The following FAT4 variants were observed in gnomAD, a reference collection of about 807,000 sequenced individuals.
FAT4 encodes FAT atypical cadherin 4, also known as protocadherin Fat 4.
In FAT4, 84 loss-of-function variants were observed where a neutral mutation model predicts 303.9. The ratio of observed to expected loss-of-function variants is 0.28; its 90% CI spans 0.23 to 0.33. FAT4 has a LOEUF of 0.33. FAT4 is among the 10% of genes least tolerant of loss of function. FAT4 has a pLI of 1.00. For synonymous variants in FAT4, 2,307 were observed against 2,298.8 expected (o/e 1.00, Z -0.10); for missense variants, 6,005 against 6,146.8 (o/e 0.98, Z 0.77).
chr4:125,325,050 A>G (rs1468159521), intron 2 of FAT4, among the ~76,000 whole-genome samples: 1 of 152,114 alleles, frequency 6.6e-6, no homozygotes, highest in Non-Finnish European at 1.5e-5. Context: ...TTTGGCTAAA[A>G]TATACAAGCA....
chr4:125,405,134 T>G (rs973122537), intron 3 of FAT4, among the ~76,000 whole-genome samples: 6 of 152,166 alleles, frequency 3.9e-5, no homozygotes, highest in African/African-American at 1.4e-4. Context: ...GTTTGGATTT[T>G]GGGGCATTTG....
Position 125,372,175 on chromosome 4 carries a change from C to T in FAT4, c.5176-26609C>T, listed in dbSNP as rs947521742. 5.9e-5 allele frequency among the ~76,000 whole-genome samples: 9 copies of T among 151,358 alleles called. 1 individual carries two copies. The South Asian group carries it at 6.3e-4, about 11-fold the overall frequency. Reference sequence around the variant, plus strand: ...CATCCTGAGCAATGTAGTGAGACCTCGTCTCCACCAAAAAAAAGAAAAAAG... The same window carrying T: ...CATCCTGAGCAATGTAGTGAGACCTTGTCTCCACCAAAAAAAAGAAAAAAG... On this transcript the variant is annotated intron_variant, in intron 2 of 17. Coordinates refer to ENST00000394329, the MANE Select transcript of FAT4 (RefSeq NM_001291303.3).
At position 125,463,522 on chromosome 4, in the gene FAT4, A is replaced by G. The variant is rs188104826; in HGVS notation, c.11801-41A>G. 6.3e-5 allele frequency: 77 copies of G among 1,216,868 alleles called. 1 individual carries two copies. The Admixed American group carries it at 9.2e-4, about 14-fold the overall frequency. 75.4% of individuals were successfully genotyped at this position (1,216,868 alleles called of 1,614,324 possible). A position where few individuals can be genotyped will look rare whatever the true frequency, so the allele number is the denominator to read the frequency against. The stretch of plus-strand genomic sequence containing the variant: ...ATGGTGTAACGGTGTTAATATATTT[A>G]TGTATGAGATTTAAAAAAAACTGAA... On this transcript the variant is annotated intron_variant, in intron 10 of 17. Coordinates refer to ENST00000394329, the MANE Select transcript of FAT4 (RefSeq NM_001291303.3).
Position 125,451,264 on chromosome 4 carries a change from G to A in FAT4, c.10254G>A (p.Gly3418=). ...TCTACAGTGTGCAGATCAGTGAAGGGGTCCCAATAGGAACTCATGTGACCT... is the reference window on the plus strand; with the variant it reads ...TCTACAGTGTGCAGATCAGTGAAGGAGTCCCAATAGGAACTCATGTGACCT... ...LNIYSVQISE[G]VPIGTHVTFV... The change falls in exon 10 of 18, where the codon GGG becomes GGA. Residue 3418 remains glycine (G), a synonymous_variant. Coordinates refer to ENST00000394329, the MANE Select transcript of FAT4 (RefSeq NM_001291303.3). 6.2e-7 allele frequency: 1 copy of A among 1,613,926 alleles called. No individual in the cohort carries two copies.
chr4:125,360,387 C>G (rs1732607459), intron 2 of FAT4, among the ~76,000 whole-genome samples: 1 of 152,144 alleles, frequency 6.6e-6, no homozygotes, highest in African/African-American at 2.4e-5. Context: ...GTTTCCCACA[C>G]AGGCTTGTAA....
At chr4:125,447,552 C>T (rs1229195230) in intron 9 of FAT4, among the ~76,000 whole-genome samples, 1 of 152,058 alleles carries the variant, frequency 6.6e-6, no homozygotes, top group African/African-American at 2.4e-5. Context: ...GATAAAATTT[C>T]CTATGTAAAA....
At chr4:125,461,233 A>G (rs2126069413) in intron 10 of FAT4, among the ~76,000 whole-genome samples, 1 of 152,170 alleles carries the variant, frequency 6.6e-6, no homozygotes, top group Non-Finnish European at 1.5e-5. Flanking sequence ...GTTAAATAAG[A>G]ATTGATTCAT....
In FAT4 at chr4:125,450,726, A is replaced by G. The variant is rs1338619009; in HGVS notation, c.9716A>G (p.Asp3239Gly). 6.2e-7 allele frequency: 1 copy of G among 1,614,130 alleles called. No individual in the cohort carries two copies. The highest frequency in any genetic ancestry group is 2.2e-5 in the East Asian group (1 of 44,852). Residue 3239 changes from aspartate (D) to glycine (G), a missense_variant, in exon 10 of 18, where the codon GAC (aspartate) becomes GGC (glycine). Transcript: ENST00000394329. ...ATTGCGTATACTGTACAGTCATCTG[A>G]CAGTGACCTCTTTGTCATTGACCCT... ...AVIAYTVQSS[D>G]SDLFVIDPNT... is the part of the protein sequence containing the mutation.
chr4:125,446,359 C>A lies in FAT4; in HGVS notation c.7266C>A (p.Ser2422Arg). 1 of 1,612,852 alleles carries A rather than the reference C, an allele frequency of 6.2e-7. No homozygotes were observed. The change falls in exon 9 of 18, where the codon AGC becomes AGA. Residue 2422 changes from serine (S) to arginine (R), a missense_variant. Coordinates refer to ENST00000394329, the MANE Select transcript of FAT4 (RefSeq NM_001291303.3). Reference sequence around the variant, plus strand: ...CATCGACAGGACAAATCATCACCAGCGCATTGTTAGATAGGGAAACAAAAG... The same window carrying A: ...CATCGACAGGACAAATCATCACCAGAGCATTGTTAGATAGGGAAACAAAAG... ...INPSTGQIIT[S>R]ALLDRETKDN...
intron 17 of FAT4, 103 bp downstream of exon 17, chr4:125,487,709 T>G (rs758558559): frequency 8.9e-7 from 1 of 1,126,138 alleles, no homozygotes; most frequent in African/African-American, 1.6e-5. Context: ...ATGAATCTCA[T>G]ATACAGAACA....
rs72675307 is a variant in FAT4, at chr4:125,361,789, T to C, written c.5176-36995T>C. ...ACCTGCAACCGTTCTGACCCGCTTG[T>C]CATTCTATGTCTTCCTACGTCAGTC... On this transcript the variant is annotated intron_variant, in intron 2 of 17. Coordinates refer to ENST00000394329, the MANE Select transcript of FAT4 (RefSeq NM_001291303.3). Among the ~76,000 whole-genome samples the C allele has an allele frequency of 9.1e-3, 1,392 of 152,256 alleles. 14 individuals carry two copies. The highest frequency in any genetic ancestry group is 0.02 in the South Asian group (96 of 4,830).
At chr4:125,391,794 G>T (rs977889147) in intron 2 of FAT4, among the ~76,000 whole-genome samples, 3 of 152,112 alleles carry the variant, frequency 2.0e-5, no homozygotes, top group Non-Finnish European at 4.4e-5. Flanking sequence ...GGTTTGAATT[G>T]CTTTAAAATA....
chr4:125,391,177 C>CAA (rs2126006724), intron 2 of FAT4, among the ~76,000 whole-genome samples: 1 of 152,118 alleles, frequency 6.6e-6, no homozygotes, highest in African/African-American at 2.4e-5. Flanking sequence ...GGTATATACC[C>CAA]AAAGGAATAT....
chr4:125,344,459 A>T (rs1445187828), intron 2 of FAT4, among the ~76,000 whole-genome samples: 1 of 152,170 alleles, frequency 6.6e-6, no homozygotes. Context: ...TCTTCAGCAT[A>T]CCTTAAACAC....
In FAT4 at chr4:125,450,706, G is replaced by C; in HGVS notation, c.9696G>C (p.Ala3232=). ...DADSGTNAVI[A]YTVQSSDSDL... ...ACTCTGGAACAAATGCTGTGATTGC[G>C]TATACTGTACAGTCATCTGACAGTG... The change falls in exon 10 of 18, where the codon GCG becomes GCC. Residue 3232 remains alanine (A), a synonymous_variant. Coordinates refer to ENST00000394329, the MANE Select transcript of FAT4 (RefSeq NM_001291303.3). 4 of 1,614,068 alleles carry C rather than the reference G, an allele frequency of 2.5e-6. No individual in the cohort carries two copies. Among genetic ancestry groups the C allele is most frequent in the Non-Finnish European group, 3.4e-6 (4 of 1,180,004 alleles).
At chr4:125,457,502 C>G (rs1726325113) in intron 10 of FAT4, among the ~76,000 whole-genome samples, 1 of 151,944 alleles carries the variant, frequency 6.6e-6, no homozygotes, top group Admixed American at 6.6e-5. Context: ...ATTTGTATAA[C>G]ATGTATTTCT....
At chr4:125,428,775 A>C (rs1725185298) in intron 7 of FAT4, among the ~76,000 whole-genome samples, 1 of 152,084 alleles carries the variant, frequency 6.6e-6, no homozygotes, top group African/African-American at 2.4e-5. Flanking sequence ...TTGACTTTTC[A>C]CTGGAGTTCT....
At chr4:125,410,375 C>G (rs1171494015) in intron 5 of FAT4, among the ~76,000 whole-genome samples, 1 of 152,128 alleles carries the variant, frequency 6.6e-6, no homozygotes, top group Non-Finnish European at 1.5e-5. Flanking sequence ...ATTGCACACT[C>G]TATTTCATGT....
At position 125,449,856 on chromosome 4, in the gene FAT4, A is replaced by G. The variant is rs1382783224; in HGVS notation, c.8846A>G (p.Asn2949Ser). Residue 2949 changes from asparagine to serine, a missense_variant, in exon 10 of 18, where the codon AAC becomes AGC. Coordinates refer to ENST00000394329, the MANE Select transcript of FAT4 (RefSeq NM_001291303.3). ...ACTGGCTTCAGTAATGTGAATATCA[A>G]CAGGCATAGTTTTATAGTGACATCT... Reference protein sequence around the residue: ...NVTGFSNVNINRHSFIVTSSD... With the variant: ...NVTGFSNVNISRHSFIVTSSD... The G allele has an allele frequency of 2.5e-6, 4 of 1,613,876 alleles. No homozygotes were observed. The highest frequency in any genetic ancestry group is 3.4e-6 in the Non-Finnish European group (4 of 1,179,912).
Sources: gnomAD v4.1 joint callset for allele counts (sites outside exome capture counted in the v4.1 genomes callset) on GRCh38, gnomAD v4.1.1 for gene constraint, MANE v1.5 for transcripts, NCBI Gene and HGNC (gene_info 2026-07-23, HGNC 2026-07-21) for gene names.